Variants in MCEE observed in about 807,000 individuals in gnomAD.
The protein encoded by MCEE is methylmalonyl-CoA epimerase, mitochondrial.
MCEE carries 6 observed loss-of-function variants against 12.9 expected under a neutral mutation model. That is an observed-to-expected ratio of 0.47 (90% CI 0.26 to 0.92). MCEE has a LOEUF of 0.92. Ranked by LOEUF, MCEE falls within the 40% of genes least tolerant of loss-of-function variation. The probability of loss-of-function intolerance (pLI) is 0.16; values close to 1 mark genes in which losing one functional copy is unlikely to be tolerated. For missense variants in MCEE, 214 were observed against 212.1 expected (o/e 1.01, Z -0.05); for synonymous variants, 78 against 77.9 (o/e 1.00, Z -0.01).
intron 1 of MCEE, among the ~76,000 whole-genome samples, chr2:71,127,162 T>C (rs1396002441): frequency 6.6e-6 from 1 of 152,264 alleles, no homozygotes; most frequent in Non-Finnish European, 1.5e-5. Context: ...GAAACTATTT[T>C]CACATGTCAG....
chr2:71,110,128 G>C lies in MCEE; in HGVS notation c.379-6C>G, dbSNP rs760863072. 6.2e-7 allele frequency: 1 copy of C among 1,610,602 alleles called. No homozygotes were observed. Among genetic ancestry groups the C allele is most frequent in the Non-Finnish European group, 8.5e-7 (1 of 1,177,324 alleles). ...GCTGCATTAATATTATCCACCTTAA[G>C]AAAGGGAAATAAATTGAACACATTT... On this transcript the variant is annotated splice_region_variant and splice_polypyrimidine_tract_variant and intron_variant, in intron 2 of 2. Transcript: ENST00000244217.
chr2:71,125,506 C>T (rs1374985889), intron 1 of MCEE, among the ~76,000 whole-genome samples: 1 of 150,368 alleles, frequency 6.7e-6, no homozygotes, highest in Admixed American at 6.6e-5. Context: ...TGTGCCCACC[C>T]TAATTTTTGC....
At chr2:71,120,138 T>C (rs144979014) in intron 2 of MCEE, among the ~76,000 whole-genome samples, 1 of 150,384 alleles carries the variant, frequency 6.6e-6, no homozygotes, top group Non-Finnish European at 1.5e-5. Flanking sequence ...ACTCAGGTGT[T>C]ACAGAGCAGC....
chr2:71,120,377 C>A (rs1398011592), intron 2 of MCEE, among the ~76,000 whole-genome samples: 2 of 150,150 alleles, frequency 1.3e-5, no homozygotes, highest in African/African-American at 5.1e-5. Context: ...GGAGCACAAA[C>A]ACAAGCTGTG....
At chr2:71,114,568 G>T (rs563606969) in intron 2 of MCEE, among the ~76,000 whole-genome samples, 2 of 152,244 alleles carry the variant, frequency 1.3e-5, no homozygotes, top group East Asian at 1.9e-4. Flanking sequence ...ATAATGAGTG[G>T]ATCTTGTTTT....
At chr2:71,120,925 T>C (rs965741655) in intron 2 of MCEE, among the ~76,000 whole-genome samples, 1 of 152,034 alleles carries the variant, frequency 6.6e-6, no homozygotes, top group African/African-American at 2.4e-5. Flanking sequence ...TTAGTAGAGA[T>C]GGGGTTTCAC....
intron 1 of MCEE, among the ~76,000 whole-genome samples, chr2:71,125,410 T>C (rs1472207282): frequency 6.6e-6 from 1 of 151,558 alleles, no homozygotes. Flanking sequence ...TTTCGCCTCA[T>C]TGGCCAGGCT....
chr2:71,129,926 C>G (rs1419912051), intron 1 of MCEE: 6 of 585,918 alleles, frequency 1.0e-5, no homozygotes, highest in Non-Finnish European at 1.8e-5. Context: ...CGCCCACATA[C>G]TGGAAGGTGC....
intron 2 of MCEE, 91 bp from the exon 3 acceptor site, chr2:71,110,213 A>G: frequency 9.3e-7 from 1 of 1,077,994 alleles, no homozygotes; most frequent in Non-Finnish European, 1.4e-6. Context: ...TTGAGAGCTC[A>G]TGCAGTCTAT....
intron 1 of MCEE, 158 bp downstream of exon 1, chr2:71,130,022 G>C: frequency 1.3e-6 from 1 of 749,206 alleles, no homozygotes; most frequent in African/African-American, 1.7e-5. Context: ...CTTCTGGAAG[G>C]CACCCTCTGC....
At chr2:71,121,732 G>T (rs746408487) in intron 2 of MCEE, among the ~76,000 whole-genome samples, 1 of 149,518 alleles carries the variant, frequency 6.7e-6, no homozygotes, top group East Asian at 2.0e-4. Flanking sequence ...TCTCATCCTG[G>T]GGGGTGGGGT....
At chr2:71,120,404 G>A (rs1673076511) in intron 2 of MCEE, among the ~76,000 whole-genome samples, 1 of 150,180 alleles carries the variant, frequency 6.7e-6, no homozygotes, top group East Asian at 1.9e-4. Context: ...AACAGTGGGT[G>A]ATTCAGTCCA....
At chr2:71,110,396 T>C (rs1256430140) in intron 2 of MCEE, among the ~76,000 whole-genome samples, 2 of 152,248 alleles carry the variant, frequency 1.3e-5, no homozygotes, top group African/African-American at 4.8e-5. Flanking sequence ...TGATATACTT[T>C]ATAATAGTTT....
chr2:71,114,594 A>AGG (rs1672954917), intron 2 of MCEE, among the ~76,000 whole-genome samples: 5 of 152,254 alleles, frequency 3.3e-5, no homozygotes, highest in Admixed American at 2.6e-4. Flanking sequence ...TGATTAGAGC[A>AGG]AATCAACTAT....
intron 1 of MCEE, among the ~76,000 whole-genome samples, chr2:71,127,721 G>T (rs1165484682): frequency 3.3e-5 from 5 of 152,234 alleles, no homozygotes; most frequent in African/African-American, 1.2e-4. Context: ...CTGCTTCCCA[G>T]GTTCAAGCAA....
At chr2:71,119,451 C>T (rs962806923) in intron 2 of MCEE, among the ~76,000 whole-genome samples, 2 of 150,536 alleles carry the variant, frequency 1.3e-5, no homozygotes, top group African/African-American at 2.5e-5. Flanking sequence ...CATTGTTATG[C>T]GGTGTGGGAC....
At chr2:71,118,880 C>T (rs983280264) in intron 2 of MCEE, among the ~76,000 whole-genome samples, 1 of 149,992 alleles carries the variant, frequency 6.7e-6, no homozygotes, top group Admixed American at 6.6e-5. Context: ...AACGCACAAA[C>T]CCTGCTCAGA....
At chr2:71,120,163 C>G (rs1434730485) in intron 2 of MCEE, among the ~76,000 whole-genome samples, 1 of 150,180 alleles carries the variant, frequency 6.7e-6, no homozygotes, top group African/African-American at 2.5e-5. Context: ...GTTTACCAAC[C>G]AACACGGAAG....
chr2:71,123,111 T>A (rs74552443), intron 2 of MCEE, among the ~76,000 whole-genome samples: 2 of 152,240 alleles, frequency 1.3e-5, no homozygotes, highest in African/African-American at 4.8e-5. Flanking sequence ...ATACACATTA[T>A]AGGGTCTCAT....
Sources: allele counts gnomAD v4.1 joint callset (sites outside exome capture counted in the v4.1 genomes callset), GRCh38; gene constraint gnomAD v4.1.1; transcripts MANE v1.5; gene names NCBI Gene and HGNC (gene_info 2026-07-23, HGNC 2026-07-21).